Variants in FHIP1A observed in about 807,000 individuals in gnomAD.
The protein encoded by FHIP1A is FHF complex subunit HOOK interacting protein 1A, also known as FHF complex subunit HOOK-interacting protein 1A.
Under a neutral mutation model 88.6 loss-of-function variants are expected in FHIP1A, and 61 were observed. The observed-to-expected ratio is 0.69, with a 90% confidence interval of 0.56 to 0.85. The LOEUF (loss-of-function observed/expected upper bound fraction) is 0.85, where lower values mean the gene tolerates loss of function less well. Ranked by LOEUF, FHIP1A falls within the 40% of genes least tolerant of loss-of-function variation. The pLI is 0.00. For synonymous variants in FHIP1A, 478 were observed against 496.0 expected (o/e 0.96, Z 0.48); for missense variants, 1,154 against 1,273.5 (o/e 0.91, Z 1.43).
intron 1 of FHIP1A, among the ~76,000 whole-genome samples, chr4:151,442,118 A>G (rs1324582459): frequency 1.3e-5 from 2 of 152,190 alleles, no homozygotes; most frequent in Admixed American, 6.6e-5. Flanking sequence ...ATGTTCAACA[A>G]TACCACACTG....
chr4:151,637,087 T>C lies in FHIP1A; in HGVS notation c.1147-1590T>C, dbSNP rs143313807. Among the ~76,000 whole-genome samples, 272 of 152,258 alleles carry C rather than the reference T, an allele frequency of 1.8e-3. 1 individual carries two copies. Among genetic ancestry groups the C allele is most frequent in the African/African-American group, 6.3e-3 (260 of 41,570 alleles). On this transcript the variant is annotated intron_variant, in intron 8 of 13. Coordinates refer to ENST00000435205, the MANE Select transcript of FHIP1A (RefSeq NM_001109977.3). ...GAGAAAGAATAGTCTTTTTAACAAA[T>C]GGTGCTGAGACAATTGGATATCCAT...
At chr4:151,533,312 C>T (rs1289947438) in intron 3 of FHIP1A, among the ~76,000 whole-genome samples, 2 of 151,926 alleles carry the variant, frequency 1.3e-5, no homozygotes, top group African/African-American at 2.4e-5. Flanking sequence ...GGTTGGGGGG[C>T]ACCTAGGCGG....
At chr4:151,661,455 G>A (rs1440382053) in intron 13 of FHIP1A, among the ~76,000 whole-genome samples, 3 of 149,580 alleles carry the variant, frequency 2.0e-5, no homozygotes, top group East Asian at 3.9e-4. Context: ...AGTGAGATGT[G>A]GAAAGTACTA....
intron 7 of FHIP1A, among the ~76,000 whole-genome samples, chr4:151,629,113 G>A (rs1010570350): frequency 7.2e-5 from 11 of 152,302 alleles, no homozygotes; most frequent in Admixed American, 5.2e-4. Context: ...AACATTTTAT[G>A]TGTATTATTC....
rs560810287 is a variant in FHIP1A at position 151,463,249 on chromosome 4, T to A, written c.-248+8441T>A. On this transcript the variant is annotated intron_variant, in intron 2 of 13. Transcript: ENST00000435205. ...CCATCTGTTGGAACTGGATTGCAAG[T>A]CATAGACTTGTTGAGACCATCTTTT... Among the ~76,000 whole-genome samples, 7 of 152,340 alleles carry A rather than the reference T, an allele frequency of 4.6e-5. No homozygotes were observed. The South Asian group carries it at 1.2e-3, about 27-fold the overall frequency.
chr4:151,501,333 G>A (rs150611563), intron 3 of FHIP1A, among the ~76,000 whole-genome samples: 3 of 151,920 alleles, frequency 2.0e-5, no homozygotes, highest in Admixed American at 6.6e-5. Context: ...AGCTTTTTGA[G>A]GAACCACCAG....
chr4:151,451,937 C>T (rs1200405870), intron 1 of FHIP1A, among the ~76,000 whole-genome samples: 2 of 151,896 alleles, frequency 1.3e-5, no homozygotes, highest in Non-Finnish European at 2.9e-5. Context: ...CTTCCCATCT[C>T]AGCCTTCCAA....
intron 7 of FHIP1A, among the ~76,000 whole-genome samples, chr4:151,618,681 C>T (rs148470829): frequency 1.0e-3 from 152 of 152,262 alleles, no homozygotes; most frequent in Non-Finnish European, 1.7e-3. Flanking sequence ...CAACTCACTG[C>T]GGTAGATTAC....
At chr4:151,644,595 T>TC (rs1232910219) in intron 9 of FHIP1A, among the ~76,000 whole-genome samples, 6 of 152,104 alleles carry the variant, frequency 3.9e-5, no homozygotes, top group Non-Finnish European at 1.5e-5. Context: ...CAAGCAGTCC[T>TC]CCCGCCTTAG....
chr4:151,532,176 C>T (rs1011699756), intron 3 of FHIP1A, among the ~76,000 whole-genome samples: 1 of 152,160 alleles, frequency 6.6e-6, no homozygotes, highest in Admixed American at 6.5e-5. Flanking sequence ...GATTTTCAAG[C>T]TCAGAGTCTT....
chr4:151,410,297 C>G (rs953451109), intron 1 of FHIP1A, among the ~76,000 whole-genome samples: 13 of 152,166 alleles, frequency 8.5e-5, no homozygotes, highest in Non-Finnish European at 1.6e-4. Flanking sequence ...CAGGGAAACC[C>G]CCCTGAAGGG....
chr4:151,578,900 T>A (rs1348127824), intron 5 of FHIP1A, among the ~76,000 whole-genome samples: 1 of 152,112 alleles, frequency 6.6e-6, no homozygotes, highest in Non-Finnish European at 1.5e-5. Flanking sequence ...ATGCAGATAA[T>A]GGAATATTTT....
intron 3 of FHIP1A, among the ~76,000 whole-genome samples, chr4:151,524,082 C>A (rs900506578): frequency 2.6e-5 from 4 of 151,968 alleles, no homozygotes; most frequent in Admixed American, 6.6e-5. Flanking sequence ...GAGACCGAGG[C>A]GGGCAGATCA....
At position 151,638,701 on chromosome 4, in the gene FHIP1A, T is replaced by C. The variant is rs375873845; in HGVS notation, c.1171T>C (p.Phe391Leu). 1.1e-4 allele frequency: 178 copies of C among 1,550,308 alleles called. No individual in the cohort carries two copies. The highest frequency in any genetic ancestry group is 1.4e-4 in the Non-Finnish European group (162 of 1,146,108). The change falls in exon 9 of 14, where the codon TTC (phenylalanine) becomes CTC (leucine). Residue 391 changes from phenylalanine to leucine, a missense_variant. Coordinates refer to ENST00000435205, the MANE Select transcript of FHIP1A (RefSeq NM_001109977.3). ...FRLCVVSLALFRTLIGLHCED... is the reference protein window; with the variant it reads ...FRLCVVSLALLRTLIGLHCED... ...GCTTTGTGTGGTGTCTCTGGCATTATTCAGAACTCTCATTGGTTTACATTG... is the reference window on the plus strand; with the variant it reads ...GCTTTGTGTGGTGTCTCTGGCATTACTCAGAACTCTCATTGGTTTACATTG...
At chr4:151,480,599 T>C (rs1375426817) in intron 2 of FHIP1A, among the ~76,000 whole-genome samples, 1 of 152,154 alleles carries the variant, frequency 6.6e-6, no homozygotes, top group African/African-American at 2.4e-5. Context: ...TGCGATTAAA[T>C]GGCCAGATAT....
rs553610997 is a variant in FHIP1A at position 151,664,925 on chromosome 4, T to C, written c.*2171T>C. On this transcript the variant is annotated 3_prime_UTR_variant, in exon 14 of 14. Transcript: ENST00000435205. Reference sequence around the variant, plus strand: ...GTGGAAAGTTTCCTTTGGGAAAAGATTGATTTTGTGCCTCTTACTGTTTTT... The same window carrying C: ...GTGGAAAGTTTCCTTTGGGAAAAGACTGATTTTGTGCCTCTTACTGTTTTT... 6.6e-6 allele frequency among the ~76,000 whole-genome samples: 1 copy of C among 152,346 alleles called. No homozygotes were observed. The highest frequency in any genetic ancestry group is 1.9e-4 in the East Asian group (1 of 5,186).
At chr4:151,545,395 T>TG (rs1732456066) in intron 3 of FHIP1A, among the ~76,000 whole-genome samples, 1 of 133,506 alleles carries the variant, frequency 7.5e-6, no homozygotes, top group South Asian at 2.3e-4. Flanking sequence ...TTTTTTTTTT[T>TG]GAGACAGAGT....
chr4:151,422,775 A>G (rs569156908), intron 1 of FHIP1A, among the ~76,000 whole-genome samples: 3 of 152,292 alleles, frequency 2.0e-5, no homozygotes, highest in African/African-American at 7.2e-5. Flanking sequence ...AGCTCCATGT[A>G]GACCTGCCCA....
chr4:151,521,996 G>C (rs150684829), intron 3 of FHIP1A, among the ~76,000 whole-genome samples: 1 of 152,310 alleles, frequency 6.6e-6, no homozygotes, highest in African/African-American at 2.4e-5. Flanking sequence ...AAAGTGCTGG[G>C]ATTACAGGTG....
Sources: allele counts gnomAD v4.1 joint callset (sites outside exome capture counted in the v4.1 genomes callset), GRCh38; gene constraint gnomAD v4.1.1; transcripts MANE v1.5; gene names NCBI Gene and HGNC (gene_info 2026-07-23, HGNC 2026-07-21).